The following TXNDC16 variants were observed in gnomAD, a reference collection of about 807,000 sequenced individuals.
TXNDC16 encodes thioredoxin domain-containing protein 16.
TXNDC16 carries 74 observed loss-of-function variants against 85.6 expected under a neutral mutation model. The ratio of observed to expected loss-of-function variants is 0.86; its 90% CI spans 0.72 to 1.05. The LOEUF is 1.05. Among genes scored for constraint, TXNDC16 ranks in the 50% least tolerant of loss-of-function variants. The pLI, the probability that TXNDC16 is intolerant of heterozygous loss-of-function variation, is 0.00. For missense variants in TXNDC16, 959 were observed against 947.0 expected (o/e 1.01, Z -0.17); for synonymous variants, 335 against 326.5 (o/e 1.03, Z -0.28).
chr14:52,473,267 G>A (rs1460484407), intron 14 of TXNDC16, among the ~76,000 whole-genome samples: 1 of 151,840 alleles, frequency 6.6e-6, no homozygotes, highest in African/African-American at 2.4e-5. Flanking sequence ...AATTTTCCTG[G>A]TGCGCGACAA....
At chr14:52,457,302 G>C in intron 16 of TXNDC16, 128 bp from the exon 17 acceptor site, 1 of 510,968 alleles carries the variant, frequency 2.0e-6, no homozygotes, top group Non-Finnish European at 3.4e-6. Context: ...AAGTGCAGAT[G>C]TCTTATATAA....
At position 52,548,101 on chromosome 14, in the gene TXNDC16, A is replaced by C. The variant is rs78209397; in HGVS notation, c.-181-3730T>G. Among the ~76,000 whole-genome samples the C allele has an allele frequency of 6.6e-5, 10 of 152,362 alleles. No homozygotes were observed. In the East Asian group the frequency reaches 1.9e-3, roughly 29 times the overall value. On this transcript the variant is annotated intron_variant, in intron 1 of 20. Coordinates refer to ENST00000281741, the MANE Select transcript of TXNDC16 (RefSeq NM_020784.3). ...CACTCAAAATTAGGCCTTGTCTGTC[A>C]GCCCAAGTCCCAGAAAGAGAACACC... is the stretch of plus-strand genomic sequence containing the variant.
At chr14:52,542,636 T>C (rs988907718) in intron 3 of TXNDC16, among the ~76,000 whole-genome samples, 183 bp from the exon 4 acceptor site, 5 of 152,178 alleles carry the variant, frequency 3.3e-5, no homozygotes, top group African/African-American at 1.2e-4. Context: ...ATTTCTGTTT[T>C]TATCATGATG....
At chr14:52,548,228 G>A (rs965712338) in intron 1 of TXNDC16, among the ~76,000 whole-genome samples, 2 of 152,206 alleles carry the variant, frequency 1.3e-5, no homozygotes, top group Admixed American at 1.3e-4. Flanking sequence ...TGAAAACAAA[G>A]ACAAAATAAT....
chr14:52,537,530 T>C, intron 5 of TXNDC16, 69 bp downstream of exon 5: 1 of 1,136,042 alleles, frequency 8.8e-7, no homozygotes, highest in South Asian at 1.3e-5. Flanking sequence ...CTCAGTGATA[T>C]TTTACATATT....
At chr14:52,453,234 T>C (rs1279332241) in intron 18 of TXNDC16, among the ~76,000 whole-genome samples, 2 of 152,146 alleles carry the variant, frequency 1.3e-5, no homozygotes, top group Admixed American at 6.5e-5. Flanking sequence ...TCAGTGGGAA[T>C]GTAAATTAGT....
intron 12 of TXNDC16, among the ~76,000 whole-genome samples, chr14:52,484,898 G>T (rs1424595532): frequency 6.6e-6 from 1 of 151,892 alleles, no homozygotes; most frequent in African/African-American, 2.4e-5. Context: ...AAAGAAAAAA[G>T]TACAGCACAT....
At chr14:52,476,394 G>T (rs1167782205) in intron 14 of TXNDC16, among the ~76,000 whole-genome samples, 1 of 152,046 alleles carries the variant, frequency 6.6e-6, no homozygotes, top group African/African-American at 2.4e-5. Flanking sequence ...TCAGGGAGGT[G>T]CCAGAGAAAG....
intron 20 of TXNDC16, among the ~76,000 whole-genome samples, chr14:52,436,535 C>T (rs1242660760): frequency 6.6e-6 from 1 of 152,022 alleles, no homozygotes; most frequent in African/African-American, 2.4e-5. Context: ...TGAAAAAGTA[C>T]TGAATTGTAC....
At chr14:52,451,233 C>T (rs912118036) in intron 18 of TXNDC16, among the ~76,000 whole-genome samples, 1 of 151,064 alleles carries the variant, frequency 6.6e-6, no homozygotes, top group South Asian at 2.1e-4. Context: ...TAACCAAATC[C>T]CACTTGTTCC....
chr14:52,495,330 A>C (rs2036506087), intron 9 of TXNDC16, among the ~76,000 whole-genome samples: 1 of 152,164 alleles, frequency 6.6e-6, no homozygotes, highest in African/African-American at 2.4e-5. Flanking sequence ...GCTTCTCCTC[A>C]GGCTGCTTAG....
intron 1 of TXNDC16, among the ~76,000 whole-genome samples, chr14:52,545,050 G>A (rs1196544092): frequency 1.3e-5 from 2 of 152,024 alleles, no homozygotes; most frequent in Admixed American, 6.6e-5. Context: ...GAGGCTAAGA[G>A]AATAACTATG....
At chr14:52,527,752 G>C (rs533365206) in intron 6 of TXNDC16, among the ~76,000 whole-genome samples, 9 of 152,210 alleles carry the variant, frequency 5.9e-5, no homozygotes, top group African/African-American at 2.2e-4. Flanking sequence ...TAATTCAGAA[G>C]TCTTCTATGT....
intron 6 of TXNDC16, among the ~76,000 whole-genome samples, chr14:52,531,778 G>A (rs2037586771): frequency 6.6e-6 from 1 of 152,090 alleles, no homozygotes; most frequent in African/African-American, 2.4e-5. Context: ...CACAAAGAGT[G>A]AAACTTCAAT....
intron 12 of TXNDC16, among the ~76,000 whole-genome samples, chr14:52,483,427 G>A (rs1227904725): frequency 6.6e-6 from 1 of 152,166 alleles, no homozygotes; most frequent in Non-Finnish European, 1.5e-5. Flanking sequence ...GATTATAACA[G>A]GGCTATTTAG....
chr14:52,501,113 C>G (rs1204332878), intron 9 of TXNDC16, among the ~76,000 whole-genome samples: 1 of 152,020 alleles, frequency 6.6e-6, no homozygotes, highest in African/African-American at 2.4e-5. Flanking sequence ...CTTACTTAAC[C>G]TATTTAAGAT....
chr14:52,522,997 T>G (rs1346276921), intron 6 of TXNDC16, among the ~76,000 whole-genome samples: 1 of 152,192 alleles, frequency 6.6e-6, no homozygotes, highest in Non-Finnish European at 1.5e-5. Context: ...TAACCAAAAC[T>G]AATGACATTC....
chr14:52,459,295 C>T (rs369714245), intron 16 of TXNDC16, among the ~76,000 whole-genome samples: 9 of 151,986 alleles, frequency 5.9e-5, no homozygotes, highest in African/African-American at 2.2e-4. Context: ...ACTCCTAACC[C>T]CTATATTATA....
chr14:52,467,968 C>T (rs1248249862), intron 16 of TXNDC16, among the ~76,000 whole-genome samples: 1 of 152,156 alleles, frequency 6.6e-6, no homozygotes, highest in Non-Finnish European at 1.5e-5. Flanking sequence ...ACCCTGAAGA[C>T]ATTATGCTAA....
Sources: allele counts gnomAD v4.1 joint callset (sites outside exome capture counted in the v4.1 genomes callset), GRCh38; gene constraint gnomAD v4.1.1; transcripts MANE v1.5; gene names NCBI Gene and HGNC (gene_info 2026-07-23, HGNC 2026-07-21).